Variants in GTF3C2 observed in about 807,000 individuals in gnomAD.
The protein encoded by GTF3C2 is general transcription factor 3C polypeptide 2.
A neutral mutation model predicts 117.4 loss-of-function variants in GTF3C2; 17 were observed. The ratio of observed to expected loss-of-function variants is 0.14; its 90% CI spans 0.10 to 0.22. GTF3C2 has a LOEUF of 0.22. GTF3C2 is among the 10% of genes least tolerant of loss of function. GTF3C2 has a pLI of 1.00. For missense variants in GTF3C2, 888 were observed against 1,143.6 expected, an observed-to-expected ratio of 0.78 and a Z score of 3.22; for synonymous variants, 437 against 427.0, an observed-to-expected ratio of 1.02 and a Z score of -0.29.
exon 19 of GTF3C2, chr2:27,326,118 A>G: frequency 2.3e-6 from 1 of 440,306 alleles, no homozygotes; most frequent in Non-Finnish European, 4.7e-6. Context: ...CCACTGTTCT[A>G]TCGGTAGGGT....
At chr2:27,346,862 G>A (rs1024534018) in intron 1 of GTF3C2, among the ~76,000 whole-genome samples, 8 of 151,722 alleles carry the variant, frequency 5.3e-5, no homozygotes, top group African/African-American at 1.2e-4. Context: ...GCCCAGATAC[G>A]TTTTTAATTT....
chr2:27,351,378 C>A (rs1681131874), intron 1 of GTF3C2, among the ~76,000 whole-genome samples: 1 of 152,172 alleles, frequency 6.6e-6, no homozygotes, highest in Non-Finnish European at 1.5e-5. Context: ...CGCGCCACTG[C>A]ACTCCAGCCT....
chr2:27,342,006 C>T (rs1325547335), exon 4 of GTF3C2: 2 of 1,606,990 alleles, frequency 1.2e-6, no homozygotes, highest in African/African-American at 1.3e-5. Flanking sequence ...TTCAGATGAG[C>T]TCTCACTTGG....
exon 19 of GTF3C2, chr2:27,326,695 G>T: frequency 6.2e-7 from 1 of 1,613,722 alleles, no homozygotes; most frequent in East Asian, 2.2e-5. Flanking sequence ...GGCAGAAGGC[G>T]ATGGCTGGTT....
At chr2:27,335,191 G>A (rs1405100545) in intron 10 of GTF3C2, 4 of 466,638 alleles carry the variant, frequency 8.6e-6, no homozygotes, top group African/African-American at 6.0e-5. Context: ...CTCTTCAGCA[G>A]AACAAGAGAT....
chr2:27,343,132 A>T, exon 3 of GTF3C2: 1 of 1,576,294 alleles, frequency 6.3e-7, no homozygotes, highest in Non-Finnish European at 8.6e-7. Flanking sequence ...GACCTTTGAC[A>T]TCTCTGAAGA....
At chr2:27,353,928 T>C (rs1386839708) in intron 1 of GTF3C2, among the ~76,000 whole-genome samples, 3 of 151,812 alleles carry the variant, frequency 2.0e-5, no homozygotes, top group Admixed American at 6.6e-5. Context: ...TCAACTATCT[T>C]ACTCAGACTG....
chr2:27,350,149 C>T (rs1332939336), intron 1 of GTF3C2, among the ~76,000 whole-genome samples: 3 of 151,968 alleles, frequency 2.0e-5, no homozygotes, highest in Non-Finnish European at 2.9e-5. Flanking sequence ...GGCTCAGTTG[C>T]ATAGAACAGA....
At chr2:27,352,674 T>C (rs1195544998) in intron 1 of GTF3C2, among the ~76,000 whole-genome samples, 3 of 152,172 alleles carry the variant, frequency 2.0e-5, no homozygotes, top group Admixed American at 2.0e-4. Flanking sequence ...TAAAAGTATA[T>C]AGATATAAAA....
Position 27,338,006 on chromosome 2 carries a change from G to C in GTF3C2, c.870C>G (p.His290Gln), listed in dbSNP as rs774456773. The stretch of plus-strand genomic sequence containing the variant: ...AGCCATTGGGAGCCATTCCTCGGCA[G>C]TGTGGTTTCTGTTTCTGAGGATCAA... Residue 290 changes from histidine to glutamine, a missense_variant, in exon 5 of 19, where the codon CAC (histidine) becomes CAG (glutamine). By Grantham distance (24) the His-to-Gln change is conservative. This residue lies in a region of GTF3C2 where 393 missense variants were observed against 401.5 expected (regional missense o/e 0.98). Transcript: ENST00000264720. The C allele has an allele frequency of 4.4e-6, 7 of 1,608,688 alleles. No individual in the cohort carries two copies. The South Asian group carries it at 7.7e-5, about 18-fold the overall frequency.
At chr2:27,351,199 G>T (rs892697704) in intron 1 of GTF3C2, among the ~76,000 whole-genome samples, 1 of 152,078 alleles carries the variant, frequency 6.6e-6, no homozygotes, top group Non-Finnish European at 1.5e-5. Flanking sequence ...ATCACCTAAG[G>T]TCAGGAGTTT....
In GTF3C2 at chr2:27,343,345, A is replaced by T. The variant is rs780368517; in HGVS notation, c.210T>A (p.Pro70=). The change falls in exon 2 of 19, where the codon CCT becomes CCA. Residue 70 remains proline, a synonymous_variant. Transcript: ENST00000264720. ...GTCTGGAGAGGCTTTCCTGCTCTGG[A>T]GGGAGCCTCCTCTGATCAGGAGAAT... 3 of 1,613,952 alleles carry T rather than the reference A, an allele frequency of 1.9e-6. No homozygotes were observed. In the East Asian group the frequency reaches 6.7e-5, roughly 36 times the overall value.
intron 12 of GTF3C2, among the ~76,000 whole-genome samples, chr2:27,332,522 C>A (rs1680312600): frequency 6.6e-6 from 1 of 151,982 alleles, no homozygotes; most frequent in Admixed American, 6.6e-5. Flanking sequence ...TCACGCCATT[C>A]TCCTGACCCA....
At chr2:27,332,251 T>C (rs1572565489) in intron 12 of GTF3C2, among the ~76,000 whole-genome samples, 2 of 152,090 alleles carry the variant, frequency 1.3e-5, no homozygotes, top group African/African-American at 4.8e-5. Flanking sequence ...TGGGCTGCGA[T>C]CCTCCTGCCT....
chr2:27,328,793 A>G (rs1289616280), intron 15 of GTF3C2, 51 bp downstream of exon 15: 13 of 1,355,078 alleles, frequency 9.6e-6, no homozygotes, highest in Middle Eastern at 1.8e-4. Flanking sequence ...ATAGTGCATA[A>G]ATGAGCCATT....
chr2:27,342,917 G>A, exon 3 of GTF3C2: 1 of 1,614,144 alleles, frequency 6.2e-7, no homozygotes, highest in African/African-American at 1.3e-5. Context: ...GGCCGATCTA[G>A]GTCTTTTGAC....
At chr2:27,352,489 C>T (rs1681170963) in intron 1 of GTF3C2, among the ~76,000 whole-genome samples, 1 of 152,156 alleles carries the variant, frequency 6.6e-6, no homozygotes, top group African/African-American at 2.4e-5. Flanking sequence ...AGCCCCATTC[C>T]CCCATCTCCT....
chr2:27,347,141 A>T (rs922707472), intron 1 of GTF3C2, among the ~76,000 whole-genome samples: 4 of 152,192 alleles, frequency 2.6e-5, no homozygotes, highest in African/African-American at 9.7e-5. Flanking sequence ...AGCAACACAG[A>T]ACTCTCCAAG....
intron 1 of GTF3C2, among the ~76,000 whole-genome samples, chr2:27,349,764 G>A (rs1030681234): frequency 2.6e-5 from 4 of 151,804 alleles, no homozygotes; most frequent in East Asian, 3.9e-4. Flanking sequence ...TCAGCCTCCC[G>A]AGTAGCTGGG....
Sources: gnomAD v4.1 joint callset for allele counts (sites outside exome capture counted in the v4.1 genomes callset) on GRCh38, gnomAD v4.1.1 for gene constraint, gnomAD v4.1.1 regional missense constraint, MANE v1.5 for transcripts, NCBI Gene and HGNC (gene_info 2026-07-23, HGNC 2026-07-21) for gene names.